The following ZBTB7C variants were observed in gnomAD, a reference collection of about 807,000 sequenced individuals.
ZBTB7C encodes zinc finger and BTB domain-containing protein 7C.
Under a neutral mutation model 25.7 loss-of-function variants are expected in ZBTB7C, and 8 were observed. The observed-to-expected ratio is 0.31, with a 90% confidence interval of 0.18 to 0.56. The LOEUF (loss-of-function observed/expected upper bound fraction) is 0.56, where lower values mean the gene tolerates loss of function less well. ZBTB7C is among the 20% of genes least tolerant of loss of function. The pLI is 0.91. For synonymous variants in ZBTB7C, 394 were observed against 369.0 expected, an observed-to-expected ratio of 1.07 and a Z score of -0.78; for missense variants, 824 against 855.2, an observed-to-expected ratio of 0.96 and a Z score of 0.46.
intron 2 of ZBTB7C, among the ~76,000 whole-genome samples, chr18:48,247,166 A>C (rs1252832654): frequency 6.6e-6 from 1 of 152,234 alleles, no homozygotes; most frequent in Non-Finnish European, 1.5e-5. Context: ...AGAATTAAAA[A>C]GAATTCCGGT....
At chr18:48,342,892 A>G (rs1298749479) in intron 1 of ZBTB7C, among the ~76,000 whole-genome samples, 6 of 152,024 alleles carry the variant, frequency 3.9e-5, no homozygotes, top group Non-Finnish European at 8.8e-5. Flanking sequence ...GCAGATATAA[A>G]ATAAGTTCAT....
chr18:48,399,510 T>C (rs947231115), intron 1 of ZBTB7C, among the ~76,000 whole-genome samples: 1 of 152,150 alleles, frequency 6.6e-6, no homozygotes, highest in African/African-American at 2.4e-5. Context: ...GGAGGCACCG[T>C]GGCTGCAGAA....
chr18:48,037,279 G>T (rs761274708), intron 4 of ZBTB7C, among the ~76,000 whole-genome samples: 1 of 152,246 alleles, frequency 6.6e-6, no homozygotes, highest in Non-Finnish European at 1.5e-5. Flanking sequence ...TCTGGAGCAG[G>T]AGGAACCCAA....
At chr18:48,317,703 T>C (rs944785568) in intron 2 of ZBTB7C, among the ~76,000 whole-genome samples, 2 of 152,110 alleles carry the variant, frequency 1.3e-5, no homozygotes, top group Non-Finnish European at 1.5e-5. Context: ...ATCTCCAGCT[T>C]ATAGGCAATA....
intron 3 of ZBTB7C, among the ~76,000 whole-genome samples, chr18:48,141,150 C>CA (rs1273665691): frequency 6.9e-6 from 1 of 144,698 alleles, no homozygotes; most frequent in African/African-American, 2.5e-5. Context: ...CGCACCACCC[C>CA]CCCCACTGTT....
chr18:48,216,312 A>C (rs557684416), intron 2 of ZBTB7C, among the ~76,000 whole-genome samples: 1 of 152,312 alleles, frequency 6.6e-6, no homozygotes, highest in Non-Finnish European at 1.5e-5. Context: ...AGCTGTGTGG[A>C]CTTGCTGGGC....
At chr18:48,111,978 T>C (rs8087943) in intron 3 of ZBTB7C, among the ~76,000 whole-genome samples, 12,022 of 152,226 alleles carry the variant, frequency 0.079, 1,418 homozygotes, top group African/African-American at 0.26. Flanking sequence ...AATCTCAGTA[T>C]GATTATATTG....
intron 3 of ZBTB7C, among the ~76,000 whole-genome samples, chr18:48,102,514 G>A (rs145075766): frequency 6.1e-5 from 9 of 146,678 alleles, no homozygotes; most frequent in Non-Finnish European, 1.2e-4. Context: ...GTAGTGAGCT[G>A]CAATTGCTCC....
intron 2 of ZBTB7C, among the ~76,000 whole-genome samples, chr18:48,246,788 AC>A (rs965001736): frequency 1.3e-5 from 2 of 151,548 alleles, no homozygotes; most frequent in Non-Finnish European, 2.9e-5. Context: ...GTGCTTTGAC[AC>A]CCCCCATCCC....
intron 2 of ZBTB7C, among the ~76,000 whole-genome samples, chr18:48,274,036 T>G (rs1171112003): frequency 6.6e-6 from 1 of 152,214 alleles, no homozygotes; most frequent in Non-Finnish European, 1.5e-5. Context: ...GTTCATAGCA[T>G]GTATACTTTC....
chr18:48,060,966 T>C (rs1196813153), intron 3 of ZBTB7C, among the ~76,000 whole-genome samples: 2 of 152,002 alleles, frequency 1.3e-5, no homozygotes, highest in East Asian at 1.9e-4. Context: ...CAACCCCAGC[T>C]GCTTGAAAAG....
chr18:48,099,687 G>A (rs1405673560), intron 3 of ZBTB7C, among the ~76,000 whole-genome samples: 1 of 152,194 alleles, frequency 6.6e-6, no homozygotes, highest in Non-Finnish European at 1.5e-5. Context: ...TGGCTGAGGT[G>A]GGCAATGGGG....
At chr18:48,227,941 T>C (rs1453095014) in intron 2 of ZBTB7C, among the ~76,000 whole-genome samples, 1 of 152,080 alleles carries the variant, frequency 6.6e-6, no homozygotes, top group Non-Finnish European at 1.5e-5. Flanking sequence ...TAACTTCTCA[T>C]TCCATATGAA....
At chr18:48,394,129 T>G (rs1195598001) in intron 1 of ZBTB7C, among the ~76,000 whole-genome samples, 1 of 152,214 alleles carries the variant, frequency 6.6e-6, no homozygotes, top group African/African-American at 2.4e-5. Flanking sequence ...AGACTTCAAG[T>G]TGGCATTCTT....
At chr18:48,098,704 T>C (rs1204134177) in intron 3 of ZBTB7C, among the ~76,000 whole-genome samples, 5 of 152,190 alleles carry the variant, frequency 3.3e-5, no homozygotes, top group Admixed American at 2.0e-4. Context: ...AACCAACCAA[T>C]GAGTTCCATT....
intron 3 of ZBTB7C, among the ~76,000 whole-genome samples, chr18:48,049,927 A>ATCCCGGAAGCTG (rs1438564080): frequency 1.3e-5 from 2 of 152,100 alleles, no homozygotes; most frequent in Non-Finnish European, 1.5e-5. Flanking sequence ...GACTCCCACT[A>ATCCCGGAAGCTG]TCCCGGAAGC....
chr18:48,141,142 C>CT (rs2040332584), intron 3 of ZBTB7C, among the ~76,000 whole-genome samples: 6 of 65,468 alleles, frequency 9.2e-5, no homozygotes, highest in East Asian at 4.9e-4. Flanking sequence ...ATCCCCCCCG[C>CT]ACCACCCCCC....
intron 2 of ZBTB7C, among the ~76,000 whole-genome samples, chr18:48,297,082 C>T (rs906998191): frequency 1.3e-5 from 2 of 152,140 alleles, no homozygotes; most frequent in Admixed American, 6.5e-5. Context: ...CGAAACCAGT[C>T]CCTGGTGCCA....
intron 2 of ZBTB7C, among the ~76,000 whole-genome samples, chr18:48,311,878 G>A (rs1210718126): frequency 6.6e-6 from 1 of 152,182 alleles, no homozygotes; most frequent in African/African-American, 2.4e-5. Context: ...CAACAAGCCT[G>A]CTTTGATTCC....
Sources: gnomAD v4.1 joint callset for allele counts (sites outside exome capture counted in the v4.1 genomes callset) on GRCh38, gnomAD v4.1.1 for gene constraint, MANE v1.5 for transcripts, NCBI Gene and HGNC (gene_info 2026-07-23, HGNC 2026-07-21) for gene names.